CADM2: variants seen among roughly 807,000 people sequenced by gnomAD.
The protein encoded by CADM2 is immunoglobulin superfamily member 4D.
A neutral mutation model predicts 49.8 loss-of-function variants in CADM2; 12 were observed. The observed-to-expected ratio is 0.24, with a 90% confidence interval of 0.15 to 0.39. CADM2 has a LOEUF of 0.39. Among genes scored for constraint, CADM2 ranks in the 10% least tolerant of loss-of-function variants. CADM2 has a pLI of 1.00. For synonymous variants in CADM2, 214 were observed against 175.4 expected (o/e 1.22, Z -1.74); for missense variants, 378 against 492.3 (o/e 0.77, Z 2.20).
chr3:85,077,927 T>G (rs898161665), intron 1 of CADM2, among the ~76,000 whole-genome samples: 61 of 152,182 alleles, frequency 4.0e-4, no homozygotes, highest in African/African-American at 1.4e-3. Context: ...AGGATTAAAA[T>G]TTTGGCATCA....
At chr3:85,199,370 TGAGA>T (rs59939815) in intron 1 of CADM2, among the ~76,000 whole-genome samples, 26 of 140,068 alleles carry the variant, frequency 1.9e-4, no homozygotes, top group African/African-American at 5.1e-4. Context: ...TGTGTGTGTA[TGAGA>T]GAGAGAGAGA....
chr3:85,942,687 G>C (rs370183508), intron 7 of CADM2, among the ~76,000 whole-genome samples: 5 of 151,768 alleles, frequency 3.3e-5, no homozygotes, highest in East Asian at 3.9e-4. Flanking sequence ...TGGCTGCATA[G>C]TATTCCATGG....
chr3:86,063,224 G>A (rs1193639793), intron 8 of CADM2, among the ~76,000 whole-genome samples: 2 of 152,084 alleles, frequency 1.3e-5, no homozygotes, highest in African/African-American at 4.8e-5. Flanking sequence ...CACCATATCT[G>A]GTGAAAAGAA....
intron 1 of CADM2, among the ~76,000 whole-genome samples, chr3:85,065,116 A>T (rs2036478553): frequency 6.6e-6 from 1 of 152,094 alleles, no homozygotes. Flanking sequence ...CCACTTGTGA[A>T]TTAGTAAACT....
At chr3:85,205,592 A>C (rs2041612466) in intron 1 of CADM2, among the ~76,000 whole-genome samples, 1 of 152,156 alleles carries the variant, frequency 6.6e-6, no homozygotes, top group African/African-American at 2.4e-5. Context: ...AATAATTCAA[A>C]TTATGTTTAA....
At chr3:85,646,734 G>A (rs2064900121) in intron 1 of CADM2, among the ~76,000 whole-genome samples, 1 of 151,826 alleles carries the variant, frequency 6.6e-6, no homozygotes. Flanking sequence ...CATAGAGGTG[G>A]TCTATTTTTG....
intron 8 of CADM2, among the ~76,000 whole-genome samples, chr3:85,974,835 GA>G (rs1559776857): frequency 1.3e-5 from 2 of 151,494 alleles, no homozygotes; most frequent in Non-Finnish European, 3.0e-5. Context: ...GTCTGTTATT[GA>G]AATACCCCAA....
chr3:85,421,236 A>G (rs1209988865), intron 1 of CADM2, among the ~76,000 whole-genome samples: 1 of 152,104 alleles, frequency 6.6e-6, no homozygotes, highest in Non-Finnish European at 1.5e-5. Flanking sequence ...ATTCTTTGTT[A>G]TTATATACCC....
At chr3:85,744,089 G>A (rs2068511576) in intron 2 of CADM2, among the ~76,000 whole-genome samples, 1 of 152,032 alleles carries the variant, frequency 6.6e-6, no homozygotes, top group African/African-American at 2.4e-5. Context: ...AAGGTGATTA[G>A]TACTATGAAG....
At chr3:85,482,921 C>A (rs1194420754) in intron 1 of CADM2, among the ~76,000 whole-genome samples, 2 of 151,320 alleles carry the variant, frequency 1.3e-5, no homozygotes, top group Non-Finnish European at 3.0e-5. Flanking sequence ...CTTTTAAAAG[C>A]ATTTTATGAA....
chr3:85,541,789 A>ATATATATATATATATATG (rs1559897779), intron 1 of CADM2, among the ~76,000 whole-genome samples: 1 of 141,488 alleles, frequency 7.1e-6, no homozygotes, highest in African/African-American at 2.6e-5. Flanking sequence ...ATATATATAT[A>ATATATATATATATATATG]TATATGTATA....
At chr3:85,305,863 C>T (rs1024989525) in intron 1 of CADM2, among the ~76,000 whole-genome samples, 11 of 151,556 alleles carry the variant, frequency 7.3e-5, no homozygotes, top group Non-Finnish European at 1.5e-4. Flanking sequence ...TAAATACATA[C>T]GGAGCTTGTC....
At chr3:85,227,670 C>T (rs915369489) in intron 1 of CADM2, among the ~76,000 whole-genome samples, 7 of 152,006 alleles carry the variant, frequency 4.6e-5, no homozygotes, top group African/African-American at 1.4e-4. Context: ...GAATTTGATC[C>T]TGTCATTATG....
At chr3:85,371,694 T>C (rs1034974683) in intron 1 of CADM2, among the ~76,000 whole-genome samples, 1 of 142,050 alleles carries the variant, frequency 7.0e-6, no homozygotes, top group African/African-American at 2.6e-5. Flanking sequence ...TATATATATA[T>C]ATATATATAT....
intron 5 of CADM2, among the ~76,000 whole-genome samples, chr3:85,894,436 T>G (rs1331865721): frequency 6.6e-6 from 1 of 152,056 alleles, no homozygotes; most frequent in Non-Finnish European, 1.5e-5. Flanking sequence ...ACATGGCACA[T>G]GTATACATAT....
chr3:85,495,557 C>T (rs2039852781), intron 1 of CADM2, among the ~76,000 whole-genome samples: 1 of 151,918 alleles, frequency 6.6e-6, no homozygotes, highest in Admixed American at 6.6e-5. Context: ...AAGTCTAGTC[C>T]CTGTTTGTTC....
rs1208240044 is a variant in CADM2, at chr3:85,762,321, AGTTT to A, written c.88+35785_88+35788del. Among the ~76,000 whole-genome samples, 153 of 152,162 alleles carry A rather than the reference AGTTT, an allele frequency of 1.0e-3. 1 individual carries two copies. Among genetic ancestry groups the A allele is most frequent in the Non-Finnish European group, 2.4e-4 (16 of 68,000 alleles). ...TGTTATTTCTTTTGGCATAACTCCC[AGTTT>A]GTTTGTTTGTTCATTTGTTTGTTTG... is the stretch of plus-strand genomic sequence containing the variant. On this transcript the variant is annotated intron_variant, in intron 2 of 9. Transcript: ENST00000383699.
intron 1 of CADM2, among the ~76,000 whole-genome samples, chr3:85,355,424 G>A (rs1249521902): frequency 6.6e-6 from 1 of 152,060 alleles, no homozygotes; most frequent in Admixed American, 6.6e-5. Flanking sequence ...TAGAGACTTA[G>A]GGTATTATTT....
intron 8 of CADM2, among the ~76,000 whole-genome samples, chr3:86,041,267 A>G (rs1244680081): frequency 1.3e-5 from 2 of 152,234 alleles, no homozygotes; most frequent in Non-Finnish European, 2.9e-5. Flanking sequence ...AAATGCTCCA[A>G]TTAAAAGATA....
Sources: allele counts gnomAD v4.1 joint callset (sites outside exome capture counted in the v4.1 genomes callset), GRCh38; gene constraint gnomAD v4.1.1; transcripts MANE v1.5; gene names NCBI Gene and HGNC (gene_info 2026-07-23, HGNC 2026-07-21).